MTO1: variants seen among roughly 807,000 people sequenced by gnomAD.
MTO1 encodes mitochondrial tRNA translation optimization 1.
Under a neutral mutation model 71.6 loss-of-function variants are expected in MTO1, and 46 were observed. The observed-to-expected ratio is 0.64, with a 90% CI of 0.51 to 0.82. The LOEUF (loss-of-function observed/expected upper bound fraction) is 0.82, where lower values mean the gene tolerates loss of function less well. MTO1 is among the 40% of genes least tolerant of loss of function. MTO1 has a pLI of 0.00. For missense variants in MTO1, 773 were observed against 867.5 expected (o/e 0.89, Z 1.37); for synonymous variants, 297 against 312.1 (o/e 0.95, Z 0.51).
At chr6:73,487,337 A>T (rs1483234099) in intron 9 of MTO1, among the ~76,000 whole-genome samples, 1 of 150,338 alleles carries the variant, frequency 6.7e-6, no homozygotes, top group Non-Finnish European at 1.5e-5. Flanking sequence ...GATTACAGGC[A>T]CCCACCAGTA....
At chr6:73,467,654 T>C (rs1347338235) in intron 3 of MTO1, among the ~76,000 whole-genome samples, 1 of 140,434 alleles carries the variant, frequency 7.1e-6, no homozygotes, top group African/African-American at 2.7e-5. Context: ...TAAAAGAAAT[T>C]TAGAAATTTA....
chr6:73,475,288 G>A lies in MTO1; in HGVS notation c.825+1634G>A, dbSNP rs1582679740. 3.3e-5 allele frequency among the ~76,000 whole-genome samples: 5 copies of A among 151,634 alleles called. No individual in the cohort carries two copies. In the South Asian group the frequency reaches 6.3e-4, roughly 19 times the overall value. ...AAATAGGCGTTTTTTGTTTTGTTTT[G>A]TTTTGCTTTTTGAGATGGAGATTCA... On this transcript the variant is annotated intron_variant, in intron 4 of 11. Transcript: ENST00000498286.
chr6:73,485,097 A>T (rs1237890126), intron 9 of MTO1, among the ~76,000 whole-genome samples: 1 of 152,060 alleles, frequency 6.6e-6, no homozygotes, highest in East Asian at 1.9e-4. Context: ...CTTTTATAAC[A>T]AATATCACAC....
chr6:73,499,318 G>A (rs895429893), intron 11 of MTO1, among the ~76,000 whole-genome samples: 1 of 151,910 alleles, frequency 6.6e-6, no homozygotes, highest in Non-Finnish European at 1.5e-5. Flanking sequence ...CTGCCACACT[G>A]TCCAACATGA....
In MTO1 at chr6:73,482,438, C is replaced by T. The variant is rs1177539865; in HGVS notation, c.1466-11C>T. On this transcript the variant is annotated splice_polypyrimidine_tract_variant and intron_variant, in intron 8 of 11. Transcript: ENST00000498286. Reference sequence around the variant, plus strand: ...ACACTTCTCATTATATTCTCTTTCTCCCTTCCCTAGGGTATAAAGACGCTG... The same window carrying T: ...ACACTTCTCATTATATTCTCTTTCTTCCTTCCCTAGGGTATAAAGACGCTG... 2.5e-6 allele frequency: 4 copies of T among 1,601,424 alleles called. No homozygotes were observed. The highest frequency in any genetic ancestry group is 4.5e-5 in the East Asian group (2 of 44,830).
chr6:73,483,425 C>CATAT (rs369748414), intron 9 of MTO1, among the ~76,000 whole-genome samples: 1 of 150,188 alleles, frequency 6.7e-6, no homozygotes, highest in Non-Finnish European at 1.5e-5. Flanking sequence ...GAAAAAATCA[C>CATAT]ATATATATAT....
chr6:73,468,284 A>C (rs1771056384), intron 3 of MTO1, among the ~76,000 whole-genome samples: 1 of 151,516 alleles, frequency 6.6e-6, no homozygotes, highest in Non-Finnish European at 1.5e-5. Flanking sequence ...TGCCCGGCTA[A>C]TTTTTTGTAT....
At chr6:73,485,301 AT>A (rs552561337) in intron 9 of MTO1, among the ~76,000 whole-genome samples, 1 of 151,978 alleles carries the variant, frequency 6.6e-6, no homozygotes, top group African/African-American at 2.4e-5. Flanking sequence ...GTTTAGATGG[AT>A]TTTTTTTAAA....
rs1044449343 is a variant in MTO1 at position 73,507,414 on chromosome 6, T to G, written c.*6679T>G. 1 of 152,242 alleles carries G rather than the reference T, an allele frequency of 6.6e-6. No homozygotes were observed. The highest frequency in any genetic ancestry group is 1.5e-5 in the Non-Finnish European group (1 of 68,050). 9.4% of individuals were successfully genotyped at this position (152,242 alleles called of 1,614,324 possible). On this transcript the variant is annotated 3_prime_UTR_variant, in exon 12 of 12. Transcript: ENST00000498286. The stretch of plus-strand genomic sequence containing the variant: ...AATCTGTTTGAACAGCACTACTTTC[T>G]GACAGGAAAACCCCAACAGGTTAGG...
At chr6:73,487,261 C>A (rs538064870) in intron 9 of MTO1, among the ~76,000 whole-genome samples, 30 of 134,482 alleles carry the variant, frequency 2.2e-4, no homozygotes, top group Admixed American at 1.5e-3. Context: ...GGCACAATTT[C>A]TGCTCACTGC....
rs185861647 is a variant in MTO1 at position 73,472,307 on chromosome 6, A to T, written c.536-1058A>T. 2.9e-3 allele frequency among the ~76,000 whole-genome samples: 435 copies of T among 152,210 alleles called. 3 individuals carry two copies. The highest frequency in any genetic ancestry group is 9.7e-3 in the African/African-American group (403 of 41,538). On this transcript the variant is annotated intron_variant, in intron 3 of 11. Coordinates refer to ENST00000498286, the MANE Select transcript of MTO1 (RefSeq NM_012123.4). ...TTTCATTACTTGTCCTTTTGGTTTT[A>T]TACCTTTTTTATTCCCCTATTTAAT...
chr6:73,467,891 G>C (rs1371374951), intron 3 of MTO1, among the ~76,000 whole-genome samples: 2 of 151,862 alleles, frequency 1.3e-5, no homozygotes, highest in Non-Finnish European at 2.9e-5. Flanking sequence ...TGCGATATCG[G>C]CTCACCACAA....
In MTO1 at chr6:73,473,659, G is replaced by C. The variant is rs768393884; in HGVS notation, c.825+5G>C. The stretch of plus-strand genomic sequence containing the variant: ...AATGAGACAGTATGGATTAAGGTAA[G>C]ATACTTTACGAAAACCTGGCTTACA... On this transcript the variant is annotated splice_donor_5th_base_variant and intron_variant, in intron 4 of 11. Coordinates refer to ENST00000498286, the MANE Select transcript of MTO1 (RefSeq NM_012123.4). 6.3e-7 allele frequency: 1 copy of C among 1,581,580 alleles called. No individual in the cohort carries two copies. Among genetic ancestry groups the C allele is most frequent in the Admixed American group, 1.7e-5 (1 of 57,450 alleles).
At chr6:73,493,249 C>G (rs1464771232) in intron 10 of MTO1, among the ~76,000 whole-genome samples, 1 of 151,594 alleles carries the variant, frequency 6.6e-6, no homozygotes, top group Non-Finnish European at 1.5e-5. Context: ...CTGCCTCGGC[C>G]TCCCAAAGTG....
chr6:73,477,008 G>A (rs1771345006), intron 4 of MTO1, among the ~76,000 whole-genome samples: 1 of 151,866 alleles, frequency 6.6e-6, no homozygotes, highest in African/African-American at 2.4e-5. Context: ...GGCTGGTTTT[G>A]AACTGCTGTT....
At chr6:73,492,991 TGTA>T (rs1350568718) in intron 10 of MTO1, among the ~76,000 whole-genome samples, 7 of 100,620 alleles carry the variant, frequency 7.0e-5, no homozygotes, top group African/African-American at 2.3e-4. Flanking sequence ...TGTGTGTGTG[TGTA>T]TTTTTTTTTT....
rs1770833571 is a variant in MTO1 at position 73,462,020 on chromosome 6, G to A, written c.166G>A (p.Ala56Thr). 1.2e-6 allele frequency: 2 copies of A among 1,614,032 alleles called. No homozygotes were observed. Among genetic ancestry groups the A allele is most frequent in the East Asian group, 2.2e-5 (1 of 44,876 alleles). The change falls in exon 1 of 12, where the codon GCT becomes ACT. Residue 56 changes from alanine to threonine, a missense_variant. Coordinates refer to ENST00000498286, the MANE Select transcript of MTO1 (RefSeq NM_012123.4). ...CGGGACTGAGGCAGCCACCGCCGCC[G>A]CTCGGTGCGGCTCTCGGACTCTGCT... Reference protein sequence around the residue: ...HAGTEAATAAARCGSRTLLLT... With the variant: ...HAGTEAATAATRCGSRTLLLT...
At chr6:73,490,777 G>A (rs1274446279) in intron 9 of MTO1, among the ~76,000 whole-genome samples, 2 of 151,546 alleles carry the variant, frequency 1.3e-5, no homozygotes, top group Admixed American at 1.3e-4. Flanking sequence ...CAAAATAAAG[G>A]TATATGTAAA....
chr6:73,506,044 T>A lies in MTO1; in HGVS notation c.*5309T>A, dbSNP rs999024834. The A allele has an allele frequency of 3.9e-5, 6 of 152,252 alleles. No individual in the cohort carries two copies. The highest frequency in any genetic ancestry group is 1.4e-4 in the African/African-American group (6 of 41,448). The allele number at this position is 152,252 out of a possible 1,614,324, so 9.4% of individuals were successfully genotyped here. ...CTCAGGCTAGAGTGCAGTGGCACTA[T>A]CTCGGCTCACTGCAACCTCCTCCTG... On this transcript the variant is annotated 3_prime_UTR_variant, in exon 12 of 12. Coordinates refer to ENST00000498286, the MANE Select transcript of MTO1 (RefSeq NM_012123.4).
Sources: gnomAD v4.1 joint callset for allele counts (sites outside exome capture counted in the v4.1 genomes callset) on GRCh38, gnomAD v4.1.1 for gene constraint, MANE v1.5 for transcripts, NCBI Gene and HGNC (gene_info 2026-07-23, HGNC 2026-07-21) for gene names.